The following LY6S variants were observed in gnomAD, a reference collection of about 807,000 sequenced individuals.
The protein encoded by LY6S is lymphocyte antigen 6S.
At chr8:143,057,702 G>A in the LY6S span, 83 of 810,246 alleles carry the variant, frequency 1.0e-4, no homozygotes, top group Middle Eastern at 3.5e-4. Context: ...GCAGTAAGGC[G>A]TTGTTTAATG....
At chr8:143,072,291 G>C in the LY6S span, among the ~76,000 whole-genome samples, 1 of 149,726 alleles carries the variant, frequency 6.7e-6, no homozygotes, top group African/African-American at 2.5e-5. Context: ...GTTCCTGTTT[G>C]AGGAGACAGC....
the LY6S span, chr8:143,059,516 T>C: frequency 1.3e-5 from 2 of 152,180 alleles, no homozygotes; most frequent in Non-Finnish European, 2.9e-5. Flanking sequence ...ATAATAACTA[T>C]TTGGATAAAT....
the LY6S span, among the ~76,000 whole-genome samples, chr8:143,056,286 A>C: frequency 6.6e-6 from 1 of 150,492 alleles, no homozygotes; most frequent in African/African-American, 2.5e-5. Flanking sequence ...CTTTAATTCC[A>C]TTTTGTTGAA....
chr8:143,071,625 TAG>T, the LY6S span, among the ~76,000 whole-genome samples: 191 of 152,208 alleles, frequency 1.3e-3, 1 homozygote, highest in Non-Finnish European at 2.0e-3. Flanking sequence ...CTCAAAGAAA[TAG>T]AGTCTATTGA....
the LY6S span, among the ~76,000 whole-genome samples, chr8:143,075,452 C>G: frequency 6.6e-6 from 1 of 152,100 alleles, no homozygotes; most frequent in African/African-American, 2.4e-5. This position sits in a 1 kb window ranked among gnomAD's most constrained non-coding sequence, Gnocchi z 4.1. Context: ...GCCTGTAATC[C>G]CAGCACCTTG....
chr8:143,065,718 G>A, the LY6S span, among the ~76,000 whole-genome samples: 24 of 151,640 alleles, frequency 1.6e-4, no homozygotes, highest in Non-Finnish European at 2.9e-4. Context: ...GTGTGTGGCC[G>A]GTTGTCCCTT....
At chr8:143,051,929 G>A in the LY6S span, among the ~76,000 whole-genome samples, 164 of 125,344 alleles carry the variant, frequency 1.3e-3, no homozygotes, top group Middle Eastern at 0.057. Flanking sequence ...CCGAGATCGT[G>A]CCACTGCACT....
At chr8:143,043,533 G>T in the LY6S span, among the ~76,000 whole-genome samples, 1 of 152,274 alleles carries the variant, frequency 6.6e-6, no homozygotes, top group East Asian at 1.9e-4. Flanking sequence ...GGCAGAAAGG[G>T]CAGCAGGGTT....
At chr8:143,065,102 A>G in the LY6S span, among the ~76,000 whole-genome samples, 1 of 152,136 alleles carries the variant, frequency 6.6e-6, no homozygotes, top group Non-Finnish European at 1.5e-5. Flanking sequence ...CTTCTTGCTG[A>G]TGGATGTTGT....
the LY6S span, among the ~76,000 whole-genome samples, chr8:143,067,766 G>A: frequency 6.6e-6 from 1 of 152,178 alleles, no homozygotes. Context: ...TCAAGGGAAG[G>A]TACTGTGCCT....
At chr8:143,073,624 C>G in the LY6S span, among the ~76,000 whole-genome samples, 1 of 135,432 alleles carries the variant, frequency 7.4e-6, no homozygotes, top group Non-Finnish European at 1.5e-5. Flanking sequence ...TTTGAGGAGA[C>G]AGCCGTCATC....
chr8:143,043,508 G>T, the LY6S span, among the ~76,000 whole-genome samples: 1 of 152,184 alleles, frequency 6.6e-6, no homozygotes, highest in Non-Finnish European at 1.5e-5. Context: ...AGGCCACCCA[G>T]GGAACCAGGG....
chr8:143,057,219 A>C, the LY6S span: 1 of 291,890 alleles, frequency 3.4e-6, no homozygotes, highest in East Asian at 9.5e-5. Flanking sequence ...TGGCTTTATA[A>C]GCCTTTAGTC....
chr8:143,052,981 C>T, the LY6S span, among the ~76,000 whole-genome samples: 1 of 152,210 alleles, frequency 6.6e-6, no homozygotes, highest in Non-Finnish European at 1.5e-5. Flanking sequence ...GTACGGCTGG[C>T]TGTCCAGGAA....
At chr8:143,048,795 A>C in the LY6S span, among the ~76,000 whole-genome samples, 4 of 152,250 alleles carry the variant, frequency 2.6e-5, no homozygotes, top group Middle Eastern at 3.4e-3. Context: ...GGACACATTA[A>C]GAGTGCGCTG....
the LY6S span, among the ~76,000 whole-genome samples, chr8:143,076,303 C>A: frequency 6.6e-6 from 1 of 152,200 alleles, no homozygotes. Context: ...CACTGCTGAC[C>A]CAATTCTCTC....
chr8:143,045,611 C>T, the LY6S span, among the ~76,000 whole-genome samples: 3 of 152,250 alleles, frequency 2.0e-5, no homozygotes, highest in South Asian at 4.2e-4. The surrounding 1 kb of genome is among the most constrained non-coding windows in gnomAD (Gnocchi z 5.3). Context: ...CTCTCCTTAG[C>T]GCCCCCACCC....
At chr8:143,044,745 G>A in the LY6S span, 8 of 1,367,542 alleles carry the variant, frequency 5.8e-6, 1 homozygote, top group Admixed American at 3.8e-5. Flanking sequence ...ACGAGACCAC[G>A]CTGCAGGAGG....
the LY6S span, among the ~76,000 whole-genome samples, chr8:143,060,608 C>T: frequency 2.0e-5 from 3 of 152,202 alleles, no homozygotes; most frequent in African/African-American, 7.2e-5. Context: ...CACTCCTTAC[C>T]CTGCCCTCTT....
Sources: gnomAD v4.1 joint callset for allele counts (sites outside exome capture counted in the v4.1 genomes callset) on GRCh38, gnomAD v4.1.1 for gene constraint, Gnocchi (gnomAD v3.1) non-coding constraint, MANE v1.5 for transcripts, NCBI Gene and HGNC (gene_info 2026-07-23, HGNC 2026-07-21) for gene names.